NKAIN3: variants seen among roughly 807,000 people sequenced by gnomAD.
NKAIN3 encodes the protein sodium/potassium-transporting ATPase subunit beta-1-interacting protein 3.
In NKAIN3, 25 loss-of-function variants were observed where a neutral mutation model predicts 30.2. That is an observed-to-expected ratio of 0.83 (90% CI 0.60 to 1.16). The LOEUF is 1.16. Among genes scored for constraint, NKAIN3 ranks in the 50% most tolerant of loss-of-function variants. NKAIN3 has a pLI of 0.00. For synonymous variants in NKAIN3, 91 were observed against 89.6 expected, an observed-to-expected ratio of 1.02 and a Z score of -0.09; for missense variants, 225 against 254.1, an observed-to-expected ratio of 0.89 and a Z score of 0.78.
intron 3 of NKAIN3, among the ~76,000 whole-genome samples, chr8:62,668,009 A>G (rs1813180727): frequency 6.6e-6 from 1 of 151,900 alleles, no homozygotes; most frequent in Admixed American, 6.6e-5. Context: ...CATTCACATA[A>G]TCCAGATTTG....
intron 3 of NKAIN3, among the ~76,000 whole-genome samples, chr8:62,619,488 G>C (rs1004784989): frequency 6.6e-6 from 1 of 152,006 alleles, no homozygotes; most frequent in African/African-American, 2.4e-5. Context: ...CTACAACCTG[G>C]AAGCCCCCGC....
At chr8:62,625,041 A>G (rs1489012674) in intron 3 of NKAIN3, among the ~76,000 whole-genome samples, 2 of 152,004 alleles carry the variant, frequency 1.3e-5, no homozygotes, top group African/African-American at 2.4e-5. Context: ...CATATTCATC[A>G]TTTAAAAAAA....
At chr8:62,721,554 G>C (rs961456793) in intron 3 of NKAIN3, among the ~76,000 whole-genome samples, 1 of 152,126 alleles carries the variant, frequency 6.6e-6, no homozygotes, top group African/African-American at 2.4e-5. Flanking sequence ...CTGGGTCTGT[G>C]GTACAACTGC....
chr8:62,690,613 C>A (rs1563517883), intron 3 of NKAIN3, among the ~76,000 whole-genome samples: 2 of 152,096 alleles, frequency 1.3e-5, no homozygotes, highest in Non-Finnish European at 2.9e-5. Context: ...GAAGAGTAGA[C>A]GGTTGTCCAG....
intron 1 of NKAIN3, among the ~76,000 whole-genome samples, chr8:62,377,517 G>A (rs16928820): frequency 0.14 from 20,969 of 152,086 alleles, 1,751 homozygotes; most frequent in East Asian, 0.4. Context: ...AGAAAATAAC[G>A]AAATAATGGG....
At chr8:62,340,676 A>G (rs1292086812) in intron 1 of NKAIN3, among the ~76,000 whole-genome samples, 3 of 151,986 alleles carry the variant, frequency 2.0e-5, no homozygotes, top group Non-Finnish European at 4.4e-5. Context: ...CATCAAGGGT[A>G]GGGGGAATCT....
At chr8:62,785,590 G>A (rs1817489887) in intron 4 of NKAIN3, among the ~76,000 whole-genome samples, 2 of 152,078 alleles carry the variant, frequency 1.3e-5, no homozygotes, top group African/African-American at 4.8e-5. Flanking sequence ...TATGCTATGT[G>A]AATATATCAT....
intron 1 of NKAIN3, among the ~76,000 whole-genome samples, chr8:62,452,229 A>T (rs1181781463): frequency 6.6e-6 from 1 of 152,166 alleles, no homozygotes; most frequent in Non-Finnish European, 1.5e-5. Context: ...TAATCCCAGC[A>T]CTTTGGGAGG....
intron 1 of NKAIN3, among the ~76,000 whole-genome samples, chr8:62,345,224 C>T (rs916075080): frequency 6.6e-6 from 1 of 150,722 alleles, no homozygotes; most frequent in Non-Finnish European, 1.5e-5. Flanking sequence ...CATGGTGACA[C>T]AGCCACCAAA....
At chr8:62,987,070 T>C (rs1824215428), downstream of NKAIN3, among the ~76,000 whole-genome samples, 1 of 152,212 alleles carries the variant, frequency 6.6e-6, no homozygotes. Flanking sequence ...AGTTCAATTA[T>C]GTCCTACTAA....
chr8:62,868,239 G>A (rs191909640), intron 4 of NKAIN3, among the ~76,000 whole-genome samples: 5 of 152,260 alleles, frequency 3.3e-5, no homozygotes, highest in Admixed American at 1.3e-4. Context: ...TCTATGGTGA[G>A]GCATAAGAAC....
chr8:62,539,696 C>CCT (rs1808778657), intron 1 of NKAIN3, among the ~76,000 whole-genome samples: 1 of 152,098 alleles, frequency 6.6e-6, no homozygotes, highest in Non-Finnish European at 1.5e-5. Flanking sequence ...CTCAAGCAAT[C>CCT]CTCCCACCTC....
At chr8:62,763,810 G>A (rs1816747940) in intron 4 of NKAIN3, among the ~76,000 whole-genome samples, 1 of 152,230 alleles carries the variant, frequency 6.6e-6, no homozygotes, top group Non-Finnish European at 1.5e-5. Context: ...GAATAAACCT[G>A]AGAGGGGCTT....
intron 1 of NKAIN3, among the ~76,000 whole-genome samples, chr8:62,492,771 T>C (rs1452396799): frequency 6.6e-5 from 10 of 152,166 alleles, no homozygotes; most frequent in Admixed American, 5.2e-4. Flanking sequence ...ACTTTCATTT[T>C]AAGTTCAGTA....
chr8:62,788,080 A>G (rs1258053611), intron 4 of NKAIN3, among the ~76,000 whole-genome samples: 2 of 152,042 alleles, frequency 1.3e-5, no homozygotes, highest in African/African-American at 4.8e-5. Flanking sequence ...GTCAAATGGT[A>G]TTTCTAGTTC....
At chr8:62,271,095 G>T (rs1812765054) in intron 1 of NKAIN3, among the ~76,000 whole-genome samples, 1 of 152,078 alleles carries the variant, frequency 6.6e-6, no homozygotes, top group Admixed American at 6.6e-5. Context: ...CGTCTTTACA[G>T]GCTGCTTTAG....
chr8:62,438,826 G>C (rs1805242480), intron 1 of NKAIN3, among the ~76,000 whole-genome samples: 1 of 152,166 alleles, frequency 6.6e-6, no homozygotes, highest in East Asian at 1.9e-4. Flanking sequence ...GCCTCCCAGA[G>C]TGTTGGGATT....
At chr8:62,498,921 C>T (rs7002508) in intron 1 of NKAIN3, among the ~76,000 whole-genome samples, 95,193 of 151,850 alleles carry the variant, frequency 0.63, 31,403 homozygotes, top group South Asian at 0.79. Context: ...AGATATCCTT[C>T]CCCCTTAAAA....
At chr8:62,691,308 G>A (rs1158378767) in intron 3 of NKAIN3, among the ~76,000 whole-genome samples, 2 of 152,164 alleles carry the variant, frequency 1.3e-5, no homozygotes, top group Middle Eastern at 3.4e-3. Context: ...AAGGTAACCC[G>A]AGAAAGAGGA....
Sources: gnomAD v4.1 joint callset for allele counts (sites outside exome capture counted in the v4.1 genomes callset) on GRCh38, gnomAD v4.1.1 for gene constraint, MANE v1.5 for transcripts, NCBI Gene and HGNC (gene_info 2026-07-23, HGNC 2026-07-21) for gene names.